Variants in MAPK8IP3 observed in about 807,000 individuals in gnomAD.
MAPK8IP3 encodes C-Jun-amino-terminal kinase-interacting protein 3.
MAPK8IP3 carries 49 observed loss-of-function variants against 157.8 expected under a neutral mutation model. The ratio of observed to expected loss-of-function variants is 0.31; its 90% confidence interval spans 0.25 to 0.39. The LOEUF is 0.39. Ranked by LOEUF, MAPK8IP3 falls within the 10% of genes least tolerant of loss-of-function variation. The probability of loss-of-function intolerance (pLI) is 1.00; values close to 1 mark genes in which losing one functional copy is unlikely to be tolerated. For missense variants in MAPK8IP3, 1,478 were observed against 1,889.4 expected (o/e 0.78, Z 4.04); for synonymous variants, 897 against 777.7 (o/e 1.15, Z -2.55).
intron 4 of MAPK8IP3, among the ~76,000 whole-genome samples, chr16:1,738,002 GCATC>G (rs2040165654): frequency 1.1e-5 from 1 of 87,352 alleles, no homozygotes; most frequent in Non-Finnish European, 2.2e-5. Context: ...ATCCATGTGA[GCATC>G]TGTGTGACCG....
intron 10 of MAPK8IP3, among the ~76,000 whole-genome samples, chr16:1,759,541 C>T (rs1055434486): frequency 6.6e-5 from 10 of 152,208 alleles, no homozygotes; most frequent in Admixed American, 6.5e-4. Flanking sequence ...CATCGCCGCA[C>T]CCCAGCCCTG....
intron 1 of MAPK8IP3, among the ~76,000 whole-genome samples, chr16:1,716,016 T>C (rs2038124119): frequency 6.6e-6 from 1 of 152,072 alleles, no homozygotes; most frequent in Admixed American, 6.6e-5. Context: ...CGGGAGCCAC[T>C]GCACCGGCCG....
At chr16:1,737,649 TGTCCGTGTGAGC>T (rs1466882316) in intron 4 of MAPK8IP3, among the ~76,000 whole-genome samples, 1 of 57,094 alleles carries the variant, frequency 1.8e-5, no homozygotes, top group Non-Finnish European at 3.3e-5. Context: ...TCCGTGTGAC[TGTCCGTGTGAGC>T]GTCCGTGTGA....
At chr16:1,740,873 C>T (rs767047227) in intron 4 of MAPK8IP3, among the ~76,000 whole-genome samples, 2 of 152,204 alleles carry the variant, frequency 1.3e-5, no homozygotes, top group African/African-American at 4.8e-5. Flanking sequence ...GCCACATTCA[C>T]GAGACTGACA....
chr16:1,731,537 T>C (rs1276725209), intron 4 of MAPK8IP3, among the ~76,000 whole-genome samples: 1 of 152,202 alleles, frequency 6.6e-6, no homozygotes, highest in African/African-American at 2.4e-5. Flanking sequence ...AGGCCAGTTC[T>C]AGGGTTAGTT....
chr16:1,760,336 G>C (rs1285848147), intron 11 of MAPK8IP3, 44 bp from the exon 12 acceptor site: 2 of 1,585,474 alleles, frequency 1.3e-6, no homozygotes, highest in South Asian at 2.3e-5. Flanking sequence ...TCACGTACCT[G>C]TATGCCGCGC....
At chr16:1,707,196 C>T (rs1282711652) in intron 1 of MAPK8IP3, 1 of 153,240 alleles carries the variant, frequency 6.5e-6, no homozygotes, top group Non-Finnish European at 1.5e-5. Context: ...TCTTAGGGGG[C>T]TGCAGCCGTC....
intron 16 of MAPK8IP3, 130 bp from the exon 17 acceptor site, chr16:1,763,527 C>T (rs908561783): frequency 4.8e-5 from 62 of 1,285,998 alleles, no homozygotes; most frequent in Non-Finnish European, 5.6e-5. Flanking sequence ...GCTGGGCACC[C>T]GGTGGCCGGG....
Position 1,768,064 on chromosome 16 carries a change from C to A in MAPK8IP3, c.3524-5C>A. The A allele has an allele frequency of 6.2e-7, 1 of 1,612,448 alleles. No individual in the cohort carries two copies. Among genetic ancestry groups the A allele is most frequent in the Non-Finnish European group, 8.5e-7 (1 of 1,179,992 alleles). On this transcript the variant is annotated splice_region_variant and splice_polypyrimidine_tract_variant and intron_variant, in intron 28 of 31. Coordinates refer to ENST00000610761, the MANE Select transcript of MAPK8IP3 (RefSeq NM_001318852.2). ...TCTTCTCCCATGCTCCTCCCATGTC[C>A]CCAGCTGTGGTCCTGCACCGAGGCC...
At chr16:1,760,072 G>C in intron 11 of MAPK8IP3, 57 bp downstream of exon 11, 2 of 1,597,088 alleles carry the variant, frequency 1.3e-6, no homozygotes, top group Non-Finnish European at 1.7e-6. Flanking sequence ...TGTCAGGGCT[G>C]GGAGAGTGAG....
chr16:1,767,533 G>C, intron 26 of MAPK8IP3, 31 bp from the exon 27 acceptor site: 1 of 1,603,122 alleles, frequency 6.2e-7, no homozygotes, highest in Non-Finnish European at 8.5e-7. Context: ...CCTCTCCCCA[G>C]CCCTGTTGAT....
At chr16:1,726,941 C>T (rs1344083038) in intron 2 of MAPK8IP3, among the ~76,000 whole-genome samples, 1 of 152,118 alleles carries the variant, frequency 6.6e-6, no homozygotes, top group Non-Finnish European at 1.5e-5. Context: ...GTGCAGCGTG[C>T]AGTGTCTATA....
At chr16:1,731,751 G>A (rs896313059) in intron 4 of MAPK8IP3, among the ~76,000 whole-genome samples, 2 of 152,266 alleles carry the variant, frequency 1.3e-5, no homozygotes, top group Non-Finnish European at 2.9e-5. Flanking sequence ...TGACCGGAAT[G>A]CATGGCTTTG....
intron 2 of MAPK8IP3, among the ~76,000 whole-genome samples, chr16:1,727,121 CAT>C (rs1474821797): frequency 5.4e-5 from 8 of 148,874 alleles, no homozygotes; most frequent in African/African-American, 2.0e-4. Context: ...GTGTGAGTGT[CAT>C]GTGCTGTGTG....
Position 1,710,324 on chromosome 16 carries a change from A to T in MAPK8IP3, c.318+3667A>T, listed in dbSNP as rs2037689348. 6.6e-6 allele frequency among the ~76,000 whole-genome samples: 1 copy of T among 151,752 alleles called. No individual in the cohort carries two copies. The highest frequency in any genetic ancestry group is 1.5e-5 in the Non-Finnish European group (1 of 67,938). ...CTAAAGAAAAAAAAAAGAAAAAAAA[A>T]TTAGCCAGGTGTGGCGGCAGGCCCC... On this transcript the variant is annotated intron_variant, in intron 1 of 31. Coordinates refer to ENST00000610761, the MANE Select transcript of MAPK8IP3 (RefSeq NM_001318852.2). This position sits in a 1 kb window ranked among gnomAD's most constrained non-coding sequence, Gnocchi z 4.1.
In MAPK8IP3 at chr16:1,738,167, ACCGT is replaced by A. The variant is rs1181033677; in HGVS notation, c.603-5160_603-5157del. On this transcript the variant is annotated intron_variant, in intron 4 of 31. Coordinates refer to ENST00000610761, the MANE Select transcript of MAPK8IP3 (RefSeq NM_001318852.2). ...GACCATCCATGTGAGCATCTGTGTG[ACCGT>A]CCGTGTGAGCGTCCGTGAGCGTGTG... is the stretch of plus-strand genomic sequence containing the variant. Among the ~76,000 whole-genome samples the A allele has an allele frequency of 8.3e-5, 6 of 72,486 alleles. 1 individual carries two copies. The highest frequency in any genetic ancestry group is 1.3e-4 in the African/African-American group (2 of 15,066). 47.6% of individuals were successfully genotyped at this position (72,486 alleles called of 152,430 possible).
intron 4 of MAPK8IP3, among the ~76,000 whole-genome samples, chr16:1,730,716 G>A (rs955150907): frequency 3.3e-5 from 5 of 152,166 alleles, no homozygotes; most frequent in African/African-American, 9.6e-5. Context: ...GGTGGCGGGC[G>A]CCTGTAGTTC....
intron 4 of MAPK8IP3, among the ~76,000 whole-genome samples, chr16:1,730,971 C>G (rs1164289700): frequency 6.6e-6 from 1 of 151,868 alleles, no homozygotes; most frequent in Admixed American, 6.6e-5. Context: ...GAAACCCCGT[C>G]TCTACTAAAA....
At chr16:1,753,009 G>A (rs1476105992) in intron 8 of MAPK8IP3, among the ~76,000 whole-genome samples, 2 of 152,200 alleles carry the variant, frequency 1.3e-5, no homozygotes, top group Non-Finnish European at 2.9e-5. Flanking sequence ...TGGCTGCCAA[G>A]CAGGGGAGAG....
Sources: allele counts gnomAD v4.1 joint callset (sites outside exome capture counted in the v4.1 genomes callset), GRCh38; gene constraint gnomAD v4.1.1; non-coding constraint Gnocchi (gnomAD v3.1); transcripts MANE v1.5; gene names NCBI Gene and HGNC (gene_info 2026-07-23, HGNC 2026-07-21).